The following FUT8 variants were observed in gnomAD, a reference collection of about 807,000 sequenced individuals.
The protein encoded by FUT8 is fucosyltransferase 8.
FUT8 carries 29 observed loss-of-function variants against 71.3 expected under a neutral mutation model. That is an observed-to-expected ratio of 0.41 (90% CI 0.30 to 0.55). The LOEUF (loss-of-function observed/expected upper bound fraction) is 0.55, where lower values mean the gene tolerates loss of function less well. FUT8 is among the 20% of genes least tolerant of loss of function. The pLI is 0.34. For missense variants in FUT8, 544 were observed against 702.1 expected (o/e 0.77, Z 2.55); for synonymous variants, 254 against 239.3 (o/e 1.06, Z -0.57).
intron 6 of FUT8, among the ~76,000 whole-genome samples, chr14:65,657,324 G>C (rs1423953478): frequency 1.3e-5 from 2 of 152,080 alleles, no homozygotes; most frequent in African/African-American, 2.4e-5. Flanking sequence ...CAGCTGCTGG[G>C]TATATAATGA....
intron 2 of FUT8, chr14:65,488,325 C>T (rs1409862250): frequency 6.6e-6 from 1 of 152,172 alleles, no homozygotes; most frequent in East Asian, 1.9e-4. Flanking sequence ...TGTGATGATC[C>T]TAGTAGAAGT....
At position 65,742,525 on chromosome 14, in the gene FUT8, G is replaced by C. The variant is rs149913922; in HGVS notation, c.*115G>C. Reference sequence around the variant, plus strand: ...GATCTAACAAAATAAGGTTATATGAGTAGATACTCTCAGCACCAAGAGCAG... The same window carrying C: ...GATCTAACAAAATAAGGTTATATGACTAGATACTCTCAGCACCAAGAGCAG... On this transcript the variant is annotated 3_prime_UTR_variant, in exon 11 of 11. Transcript: ENST00000673929. 2.4e-6 allele frequency: 2 copies of C among 833,162 alleles called. No individual in the cohort carries two copies. Among genetic ancestry groups the C allele is most frequent in the East Asian group, 2.7e-5 (1 of 37,520 alleles). 51.6% of individuals were successfully genotyped at this position (833,162 alleles called of 1,614,324 possible).
the FUT8 span, among the ~76,000 whole-genome samples, chr14:65,378,228 G>T: frequency 6.6e-6 from 1 of 151,968 alleles, no homozygotes; most frequent in African/African-American, 2.4e-5. Context: ...CTACCAAGTG[G>T]GTATGATGAT....
chr14:65,728,372 C>T (rs142031613), intron 9 of FUT8, among the ~76,000 whole-genome samples: 45 of 152,270 alleles, frequency 3.0e-4, no homozygotes, highest in East Asian at 9.6e-4. Flanking sequence ...TGATGGAAGG[C>T]GAAAGGCGTG....
At chr14:65,405,024 G>T in the FUT8 span, among the ~76,000 whole-genome samples, 1 of 152,182 alleles carries the variant, frequency 6.6e-6, no homozygotes, top group South Asian at 2.1e-4. Flanking sequence ...TGACAAAGTT[G>T]TCAAGGAGCC....
Position 65,703,808 on chromosome 14 carries a change from T to C in FUT8, c.836-17967T>C, listed in dbSNP as rs929651487. ...AGATTTGCTGCTCCAGTTCCTGTTT[T>C]AGTAGGCTAAGATGTACGTCTGTTT... On this transcript the variant is annotated intron_variant, in intron 7 of 10. Coordinates refer to ENST00000673929, the MANE Select transcript of FUT8 (RefSeq NM_001371533.1). 4.6e-5 allele frequency among the ~76,000 whole-genome samples: 7 copies of C among 152,358 alleles called. 1 individual carries two copies. In the South Asian group the frequency reaches 8.3e-4, roughly 18 times the overall value.
chr14:65,531,163 TA>T (rs1324867921), intron 2 of FUT8, among the ~76,000 whole-genome samples: 2 of 151,682 alleles, frequency 1.3e-5, no homozygotes, highest in East Asian at 1.9e-4. Context: ...AATATGACAT[TA>T]AAAAAAGGAC....
At chr14:65,499,500 T>A (rs183083316) in intron 2 of FUT8, among the ~76,000 whole-genome samples, 1 of 152,198 alleles carries the variant, frequency 6.6e-6, no homozygotes, top group Non-Finnish European at 1.5e-5. Flanking sequence ...TATAGGTGTG[T>A]TGATGATTAA....
intron 6 of FUT8, among the ~76,000 whole-genome samples, chr14:65,658,047 A>G (rs1891773374): frequency 6.6e-6 from 1 of 152,172 alleles, no homozygotes; most frequent in South Asian, 2.1e-4. Context: ...AGACTGAGAG[A>G]AATCTTTGCA....
intron 5 of FUT8, among the ~76,000 whole-genome samples, chr14:65,618,374 T>C (rs1889419180): frequency 6.6e-6 from 1 of 152,164 alleles, no homozygotes; most frequent in Admixed American, 6.5e-5. Flanking sequence ...TGTTGAATTA[T>C]GATTCCTTAC....
At chr14:65,683,443 G>A (rs1013960242) in intron 7 of FUT8, among the ~76,000 whole-genome samples, 1 of 152,150 alleles carries the variant, frequency 6.6e-6, no homozygotes. Context: ...TTGCTTGTTA[G>A]GAAACTTTTT....
Position 65,613,289 on chromosome 14 carries a change from A to G in FUT8, c.204-2689A>G, listed in dbSNP as rs1889103285. Among the ~76,000 whole-genome samples, 3 of 152,326 alleles carry G rather than the reference A, an allele frequency of 2.0e-5. No homozygotes were observed. In the South Asian group the frequency reaches 6.2e-4, roughly 32 times the overall value. On this transcript the variant is annotated intron_variant, in intron 3 of 10. Coordinates refer to ENST00000673929, the MANE Select transcript of FUT8 (RefSeq NM_001371533.1). ...TCTATCACTAACATATGTTCTGAAAAAGGACATTCCTGTCCTATAGTATAT... is the reference window on the plus strand; with the variant it reads ...TCTATCACTAACATATGTTCTGAAAGAGGACATTCCTGTCCTATAGTATAT...
chr14:65,420,368 T>A (rs1053278196), intron 1 of FUT8, among the ~76,000 whole-genome samples: 4 of 152,100 alleles, frequency 2.6e-5, no homozygotes, highest in African/African-American at 9.7e-5. Context: ...CCTCCTCCCT[T>A]GGCCTCCCAA....
intron 2 of FUT8, among the ~76,000 whole-genome samples, chr14:65,525,368 T>G (rs1413717928): frequency 6.6e-6 from 1 of 152,220 alleles, no homozygotes; most frequent in Non-Finnish European, 1.5e-5. Flanking sequence ...TTTATAGTAT[T>G]CTCTGATGGT....
At chr14:65,451,954 T>G (rs1450446588) in intron 1 of FUT8, among the ~76,000 whole-genome samples, 1 of 152,210 alleles carries the variant, frequency 6.6e-6, no homozygotes, top group Non-Finnish European at 1.5e-5. Flanking sequence ...AGCTCTCACT[T>G]TGGGCCATGG....
chr14:65,575,154 C>T (rs1886686585), intron 3 of FUT8, among the ~76,000 whole-genome samples: 2 of 150,944 alleles, frequency 1.3e-5, no homozygotes, highest in Admixed American at 1.3e-4. Flanking sequence ...CGGCTGTGTC[C>T]AAGGGTATAA....
Position 65,696,669 on chromosome 14 carries a change from TTTTC to T in FUT8, c.836-25099_836-25096del, listed in dbSNP as rs1467887921. 2.6e-5 allele frequency among the ~76,000 whole-genome samples: 4 copies of T among 152,078 alleles called. No homozygotes were observed. In the East Asian group the frequency reaches 7.7e-4, roughly 29 times the overall value. ...CATTATTATTTCAGTAATTTTTTCT[TTTTC>T]TTTCTTCTCCTCTGGTACTCCCATT... On this transcript the variant is annotated intron_variant, in intron 7 of 10. Transcript: ENST00000673929.
intron 1 of FUT8, among the ~76,000 whole-genome samples, chr14:65,432,188 A>T (rs967852454): frequency 6.6e-6 from 1 of 152,022 alleles, no homozygotes; most frequent in Non-Finnish European, 1.5e-5. Context: ...TTTGCCTTAC[A>T]TGTTTTTCAT....
chr14:65,387,694 GGAA>G, the FUT8 span, among the ~76,000 whole-genome samples: 6 of 152,256 alleles, frequency 3.9e-5, no homozygotes, highest in African/African-American at 1.4e-4. Flanking sequence ...GCTGTAGCCT[GGAA>G]TCTTTCCAGG....
Sources: gnomAD v4.1 joint callset for allele counts (sites outside exome capture counted in the v4.1 genomes callset) on GRCh38, gnomAD v4.1.1 for gene constraint, MANE v1.5 for transcripts, NCBI Gene and HGNC (gene_info 2026-07-23, HGNC 2026-07-21) for gene names.